Variants in ADCY6 observed in about 807,000 individuals in gnomAD.
ADCY6 encodes the protein adenylate cyclase 6, also known as adenylate cyclase type 6.
Under a neutral mutation model 111.6 loss-of-function variants are expected in ADCY6, and 59 were observed. That is an observed-to-expected ratio of 0.53 (90% CI 0.43 to 0.66). The LOEUF is 0.66. Ranked by LOEUF, ADCY6 falls within the 30% of genes least tolerant of loss-of-function variation. The pLI is 0.00. For synonymous variants in ADCY6, 576 were observed against 642.9 expected (o/e 0.90, Z 1.57); for missense variants, 1,242 against 1,595.6 (o/e 0.78, Z 3.78).
rs1384589986 is a variant in ADCY6 at position 48,770,867 on chromosome 12, C to G, written c.3155G>C (p.Gly1052Ala). Reference sequence around the variant, plus strand: ...AGCCAGGGCAGTGATGTGGGAGCGGCCCACCTGATCGTAGGTGCTGGCGTT... The same window carrying G: ...AGCCAGGGCAGTGATGTGGGAGCGGGCCACCTGATCGTAGGTGCTGGCGTT... ...GLNASTYDQV[G>A]RSHITALADY... Residue 1052 changes from glycine (G) to alanine (A), a missense_variant, in exon 20 of 22, where the codon GGC becomes GCC. Transcript: ENST00000357869. The G allele has an allele frequency of 6.2e-7, 1 of 1,614,230 alleles. No homozygotes were observed. Among genetic ancestry groups the G allele is most frequent in the Non-Finnish European group, 8.5e-7 (1 of 1,180,050 alleles).
chr12:48,769,913 C>G (rs890244920), intron 20 of ADCY6, among the ~76,000 whole-genome samples: 2 of 151,942 alleles, frequency 1.3e-5, no homozygotes, highest in African/African-American at 2.4e-5. Context: ...AGGCGCCCAC[C>G]ACCACACCCG....
chr12:48,779,423 C>T (rs1384837826), intron 2 of ADCY6, among the ~76,000 whole-genome samples: 1 of 152,170 alleles, frequency 6.6e-6, no homozygotes, highest in Non-Finnish European at 1.5e-5. Context: ...TTCCTACTCA[C>T]TCTACTGAGT....
chr12:48,777,350 A>G lies in ADCY6; in HGVS notation c.1248+60T>C. 1 of 1,605,178 alleles carries G rather than the reference A, an allele frequency of 6.2e-7. No homozygotes were observed. Among genetic ancestry groups the G allele is most frequent in the Non-Finnish European group, 8.5e-7 (1 of 1,173,522 alleles). The stretch of plus-strand genomic sequence containing the variant: ...CCTCAAATCCCCAGCTGCTGCCAGC[A>G]AAGCTATGCTCTCACCACGGTCAAC... On this transcript the variant is annotated intron_variant, in intron 5 of 21. Transcript: ENST00000357869. The surrounding 1 kb of genome is among the most constrained non-coding windows in gnomAD (Gnocchi z 4.9).
At chr12:48,788,795 G>A (rs990358144) in intron 1 of ADCY6, 111 bp downstream of exon 1, 6 of 152,166 alleles carry the variant, frequency 3.9e-5, no homozygotes, top group Admixed American at 2.0e-4. Flanking sequence ...ACCCGTCCAA[G>A]GCTTCGGCGC....
At chr12:48,770,626 G>A (rs1941510665) in intron 20 of ADCY6, 140 bp downstream of exon 20, 6 of 786,970 alleles carry the variant, frequency 7.6e-6, no homozygotes, top group Non-Finnish European at 1.2e-5. Flanking sequence ...CTTAATATCA[G>A]ACTTGATATA....
chr12:48,782,981 G>A lies in ADCY6; in HGVS notation c.454C>T (p.Leu152=). 1 of 1,613,756 alleles carries A rather than the reference G, an allele frequency of 6.2e-7. No individual in the cohort carries two copies. The highest frequency in any genetic ancestry group is 1.3e-5 in the African/African-American group (1 of 75,060). Residue 152 remains leucine (L), a synonymous_variant, in exon 2 of 22, where the codon CTG becomes TTG. Coordinates refer to ENST00000357869, the MANE Select transcript of ADCY6 (RefSeq NM_015270.5). This position sits in a 1 kb window ranked among gnomAD's most constrained non-coding sequence, Gnocchi z 4.3. ...ACCAGCACCGCCATCAGCAGCGTCAGGCTGCTCTGGTTCATCTGGAAGAAG... is the reference window on the plus strand; with the variant it reads ...ACCAGCACCGCCATCAGCAGCGTCAAGCTGCTCTGGTTCATCTGGAAGAAG... ...RYFFQMNQSS[L]TLLMAVLVLL... is the part of the protein sequence containing the mutation.
In ADCY6 at chr12:48,778,157, C is replaced by T. The variant is rs1565648858; in HGVS notation, c.965G>A (p.Arg322His). ...GTGGAGCCGGGCCTGGATGTAACCG[C>T]GGGTCTCCTGAAAGGCCTGGCGCTG... Reference protein sequence around the residue: ...VSQRQAFQETRGYIQARLHLQ... With the variant: ...VSQRQAFQETHGYIQARLHLQ... Residue 322 changes from arginine (R) to histidine (H), a missense_variant, in exon 3 of 22, where the codon CGC (arginine) becomes CAC (histidine). This residue lies in a region of ADCY6 where 260 missense variants were observed against 414.6 expected (regional missense o/e 0.63). Coordinates refer to ENST00000357869, the MANE Select transcript of ADCY6 (RefSeq NM_015270.5). The T allele has an allele frequency of 6.2e-7, 1 of 1,613,782 alleles. No homozygotes were observed. Among genetic ancestry groups the T allele is most frequent in the Non-Finnish European group, 8.5e-7 (1 of 1,179,880 alleles).
Position 48,777,347 on chromosome 12 carries a change from A to G in ADCY6, c.1248+63T>C. 6.2e-7 allele frequency: 1 copy of G among 1,604,614 alleles called. No individual in the cohort carries two copies. Among genetic ancestry groups the G allele is most frequent in the Non-Finnish European group, 8.5e-7 (1 of 1,173,358 alleles). On this transcript the variant is annotated intron_variant, in intron 5 of 21. Coordinates refer to ENST00000357869, the MANE Select transcript of ADCY6 (RefSeq NM_015270.5). This position sits in a 1 kb window ranked among gnomAD's most constrained non-coding sequence, Gnocchi z 4.9. Reference sequence around the variant, plus strand: ...TGCCCTCAAATCCCCAGCTGCTGCCAGCAAAGCTATGCTCTCACCACGGTC... The same window carrying G: ...TGCCCTCAAATCCCCAGCTGCTGCCGGCAAAGCTATGCTCTCACCACGGTC...
rs141847908 is a variant in ADCY6, at chr12:48,776,570, T to C, written c.1393A>G (p.Thr465Ala). 1 of 1,610,876 alleles carries C rather than the reference T, an allele frequency of 6.2e-7. No homozygotes were observed. The highest frequency in any genetic ancestry group is 8.5e-7 in the Non-Finnish European group (1 of 1,179,420). ...IEAISLVREV[T>A]GVNVNMRVGI... is the part of the protein sequence containing the mutation. The stretch of plus-strand genomic sequence containing the variant: ...ACGCGCATGTTCACATTCACACCTG[T>C]CACCTCACGTACCAGCCTGGGAGGA... The change falls in exon 7 of 22, where the codon ACA (threonine) becomes GCA (alanine). Residue 465 changes from threonine to alanine, a missense_variant. Around this residue, in one of 4 missense-constraint regions of ADCY6, gnomAD observed 260 missense variants for 414.6 expected, o/e 0.63. Coordinates refer to ENST00000357869, the MANE Select transcript of ADCY6 (RefSeq NM_015270.5). The surrounding 1 kb of genome is among the most constrained non-coding windows in gnomAD (Gnocchi z 6.1).
At position 48,771,553 on chromosome 12, in the gene ADCY6, G is replaced by A. The variant is rs1322912363; in HGVS notation, c.3051+157C>T. ...CCTTGCTGCCTCTGACACCTTCATG[G>A]GTTCTTGCCTCTGCCTCCACTGTGC... On this transcript the variant is annotated intron_variant, in intron 19 of 21. Transcript: ENST00000357869. This position sits in a 1 kb window ranked among gnomAD's most constrained non-coding sequence, Gnocchi z 4.3. 1 of 1,224,112 alleles carries A rather than the reference G, an allele frequency of 8.2e-7. No homozygotes were observed. Among genetic ancestry groups the A allele is most frequent in the Admixed American group, 1.8e-5 (1 of 55,168 alleles). The allele number at this position is 1,224,112 out of a possible 1,614,324, so 75.8% of individuals were successfully genotyped here.
At chr12:48,772,565 C>A in intron 16 of ADCY6, 22 bp from the exon 17 acceptor site, 1 of 1,614,076 alleles carries the variant, frequency 6.2e-7, no homozygotes, top group Admixed American at 1.7e-5. Flanking sequence ...ATAGAAGAGA[C>A]AAAGTCATCA....
rs1211049032 is a variant in ADCY6, at chr12:48,775,219, C to G, written c.1980+84G>C. The G allele has an allele frequency of 3.2e-6, 5 of 1,580,750 alleles. No homozygotes were observed. The East Asian group carries it at 1.1e-4, about 36-fold the overall frequency. On this transcript the variant is annotated intron_variant, in intron 11 of 21. Transcript: ENST00000357869. ...TCCCTTCTCCATCCCCCAGAAACAC[C>G]TGTGCCCTCACCTGTGCTCAGCCTT... is the stretch of plus-strand genomic sequence containing the variant.
chr12:48,784,024 G>C (rs895448753), intron 1 of ADCY6: 1 of 155,824 alleles, frequency 6.4e-6, no homozygotes, highest in Non-Finnish European at 1.4e-5. Flanking sequence ...AGAGGTTGCA[G>C]TGAGCAAAGA....
intron 1 of ADCY6, 21 bp downstream of exon 1, chr12:48,788,885 C>T (rs1942031826): frequency 6.6e-6 from 1 of 151,362 alleles, no homozygotes; most frequent in Non-Finnish European, 1.5e-5. Context: ...GGCCACTTCC[C>T]CTAGCCCTCA....
chr12:48,772,241 G>T, intron 18 of ADCY6, 54 bp downstream of exon 18: 1 of 1,561,212 alleles, frequency 6.4e-7, no homozygotes, highest in Non-Finnish European at 8.6e-7. Context: ...TTCTGGCCTG[G>T]CCCAGGCTCC....
chr12:48,772,135 G>C, intron 18 of ADCY6, 160 bp downstream of exon 18: 6 of 1,381,620 alleles, frequency 4.3e-6, no homozygotes, highest in Non-Finnish European at 5.8e-6. Flanking sequence ...GCAGGTAGAG[G>C]ATGGGGCAGG....
intron 2 of ADCY6, among the ~76,000 whole-genome samples, chr12:48,778,993 T>C (rs1364689283): frequency 7.1e-6 from 1 of 141,538 alleles, no homozygotes; most frequent in South Asian, 2.4e-4. Context: ...TTCTCCTGCC[T>C]CAGCCTCCAG....
rs754791253 is a variant in ADCY6, at chr12:48,777,760, C to A, written c.1015-24G>T. 2.0e-5 allele frequency: 32 copies of A among 1,612,834 alleles called. No individual in the cohort carries two copies. The highest frequency in any genetic ancestry group is 2.6e-5 in the Non-Finnish European group (31 of 1,179,578). ...TCCTAGCCCAGTGGTTCCAATAGGG[C>A]ATCACTATACTCTTGGTCTCACATT... On this transcript the variant is annotated intron_variant, in intron 3 of 21. Transcript: ENST00000357869. The surrounding 1 kb of genome is among the most constrained non-coding windows in gnomAD (Gnocchi z 4.9).
At position 48,783,359 on chromosome 12, in the gene ADCY6, T is replaced by C. The variant is rs369605957; in HGVS notation, c.76A>G (p.Lys26Glu). ...CGAGTGCCACGGCGCCGCGAACGCT[T>C]CTGCCCATTGCGTTCACCCCAGGCT... Reference protein sequence around the residue: ...KTAWGERNGQKRSRRRGTRAG... With the variant: ...KTAWGERNGQERSRRRGTRAG... The change falls in exon 2 of 22, where the codon AAG (lysine) becomes GAG (glutamate). Residue 26 changes from lysine (K) to glutamate (E), a missense_variant. Physicochemically the swap from Lys to Glu is moderately conservative, Grantham distance 56 (BLOSUM62 1). This residue lies in a region of ADCY6 where 362 missense variants were observed against 377.2 expected (regional missense o/e 0.96). Transcript: ENST00000357869. 6.2e-7 allele frequency: 1 copy of C among 1,614,092 alleles called. No homozygotes were observed.
Sources: gnomAD v4.1 joint callset for allele counts (sites outside exome capture counted in the v4.1 genomes callset) on GRCh38, gnomAD v4.1.1 for gene constraint, gnomAD v4.1.1 regional missense constraint, Gnocchi (gnomAD v3.1) non-coding constraint, MANE v1.5 for transcripts, NCBI Gene and HGNC (gene_info 2026-07-23, HGNC 2026-07-21) for gene names.